The following LRRFIP1 variants were observed in gnomAD, a reference collection of about 807,000 sequenced individuals.
LRRFIP1 encodes the protein leucine-rich repeat flightless-interacting protein 1.
LRRFIP1 carries 62 observed loss-of-function variants against 104.4 expected under a neutral mutation model. That is an observed-to-expected ratio of 0.59 (90% CI 0.48 to 0.73). The LOEUF is 0.73. Ranked by LOEUF, LRRFIP1 falls within the 30% of genes least tolerant of loss-of-function variation. The pLI, the probability that LRRFIP1 is intolerant of heterozygous loss-of-function variation, is 0.00. For missense variants in LRRFIP1, 796 were observed against 824.5 expected, an observed-to-expected ratio of 0.97 and a Z score of 0.42; for synonymous variants, 300 against 299.0, an observed-to-expected ratio of 1.00 and a Z score of -0.03.
At chr2:237,704,867 A>G (rs2093725499) in intron 1 of LRRFIP1, among the ~76,000 whole-genome samples, 1 of 152,170 alleles carries the variant, frequency 6.6e-6, no homozygotes. Context: ...TGATTCATCC[A>G]TGGGGTTCCT....
At chr2:237,662,897 G>T (rs749003097) in intron 1 of LRRFIP1, among the ~76,000 whole-genome samples, 4 of 152,010 alleles carry the variant, frequency 2.6e-5, no homozygotes, top group Admixed American at 6.6e-5. Flanking sequence ...AGGCATTACC[G>T]CTCCTTTCCA....
chr2:237,740,402 A>G (rs1273538343), intron 11 of LRRFIP1, among the ~76,000 whole-genome samples: 1 of 152,138 alleles, frequency 6.6e-6, no homozygotes, highest in Non-Finnish European at 1.5e-5. Flanking sequence ...CAACAGAGTG[A>G]GACCCTGCCT....
intron 1 of LRRFIP1, among the ~76,000 whole-genome samples, chr2:237,633,462 C>T (rs2082675595): frequency 6.6e-6 from 1 of 152,096 alleles, no homozygotes; most frequent in Non-Finnish European, 1.5e-5. Flanking sequence ...TCCCTTCTTC[C>T]TTTTCTGGGT....
At chr2:237,697,248 C>G (rs59204781) in intron 1 of LRRFIP1, among the ~76,000 whole-genome samples, 35,207 of 152,092 alleles carry the variant, frequency 0.23, 4,209 homozygotes, top group East Asian at 0.31. Context: ...GTCTCAAACT[C>G]CTGACCTCAA....
chr2:237,777,428 A>G (rs2061181543), intron 23 of LRRFIP1, among the ~76,000 whole-genome samples: 1 of 152,024 alleles, frequency 6.6e-6, no homozygotes, highest in Admixed American at 6.5e-5. Context: ...TTTTGTTTGT[A>G]CATGTTTTCG....
At chr2:237,724,255 C>T (rs568024739) in intron 7 of LRRFIP1, among the ~76,000 whole-genome samples, 2 of 152,214 alleles carry the variant, frequency 1.3e-5, no homozygotes, top group South Asian at 2.1e-4. Flanking sequence ...TAAAGTGATT[C>T]GATACTGAAG....
chr2:237,708,554 G>A lies in LRRFIP1; in HGVS notation c.107G>A (p.Arg36Gln), dbSNP rs1259835196. The part of the protein sequence containing the change: ...LNQIAREAEA[R>Q]LAAKRAARAE... Reference sequence around the variant, plus strand: ...CCCTGTCCGTTTCAGGCGGAAGCCCGGCTCGCTGCAAAACGGGCGGCCCGC... The same window carrying A: ...CCCTGTCCGTTTCAGGCGGAAGCCCAGCTCGCTGCAAAACGGGCGGCCCGC... The change falls in exon 2 of 24, where the codon CGG becomes CAG. Residue 36 changes from arginine (R) to glutamine (Q), a missense_variant. Coordinates refer to ENST00000308482, the MANE Select transcript of LRRFIP1 (RefSeq NM_001137550.2). 6.3e-6 allele frequency: 10 copies of A among 1,577,642 alleles called. No homozygotes were observed. Among genetic ancestry groups the A allele is most frequent in the South Asian group, 3.5e-5 (3 of 84,978 alleles).
intron 18 of LRRFIP1, 128 bp downstream of exon 18, chr2:237,758,949 T>C: frequency 1.7e-6 from 1 of 597,496 alleles, no homozygotes; most frequent in East Asian, 2.9e-5. Flanking sequence ...CTGTTAATAA[T>C]TCATATATTG....
chr2:237,662,908 C>G (rs903374), intron 1 of LRRFIP1, among the ~76,000 whole-genome samples: 2 of 152,104 alleles, frequency 1.3e-5, no homozygotes, highest in African/African-American at 2.4e-5. Context: ...CTCCTTTCCA[C>G]GGCAATGACC....
At chr2:237,733,081 G>T (rs1319409362) in intron 8 of LRRFIP1, among the ~76,000 whole-genome samples, 1 of 152,192 alleles carries the variant, frequency 6.6e-6, no homozygotes, top group Non-Finnish European at 1.5e-5. Flanking sequence ...CGTGCACCTT[G>T]CCTGACTTGC....
intron 1 of LRRFIP1, among the ~76,000 whole-genome samples, chr2:237,628,915 A>C (rs2149219314): frequency 6.6e-6 from 1 of 152,364 alleles, no homozygotes; most frequent in Non-Finnish European, 1.5e-5. Context: ...TGATACAGAA[A>C]AGGGCTTTCC....
chr2:237,770,052 ATCCT>A (rs1440944427), intron 20 of LRRFIP1, 60 bp downstream of exon 20: 4 of 1,364,400 alleles, frequency 2.9e-6, no homozygotes, highest in Non-Finnish European at 4.1e-6. Context: ...CCACCTGCCC[ATCCT>A]TCCTTCTTGC....
At chr2:237,643,114 T>G (rs2084279959) in intron 1 of LRRFIP1, among the ~76,000 whole-genome samples, 1 of 152,254 alleles carries the variant, frequency 6.6e-6, no homozygotes, top group Non-Finnish European at 1.5e-5. Context: ...TTAAAATAAA[T>G]TCTTAAACAC....
At chr2:237,715,968 A>G (rs1471798685) in intron 3 of LRRFIP1, among the ~76,000 whole-genome samples, 1 of 152,232 alleles carries the variant, frequency 6.6e-6, no homozygotes, top group African/African-American at 2.4e-5. Flanking sequence ...ACGAGGTGAA[A>G]GATTTTCAGA....
chr2:237,739,752 T>C (rs2095358598), intron 11 of LRRFIP1, among the ~76,000 whole-genome samples: 1 of 152,168 alleles, frequency 6.6e-6, no homozygotes, highest in South Asian at 2.1e-4. Context: ...CCCTGCATCC[T>C]GCTTGTCACT....
chr2:237,709,914 A>G (rs2093990288), intron 2 of LRRFIP1, among the ~76,000 whole-genome samples: 1 of 151,568 alleles, frequency 6.6e-6, no homozygotes. Flanking sequence ...GTACAGTGAC[A>G]TGATCTCTAC....
At chr2:237,631,798 G>A (rs141003556) in intron 1 of LRRFIP1, among the ~76,000 whole-genome samples, 85 of 152,354 alleles carry the variant, frequency 5.6e-4, no homozygotes, top group African/African-American at 1.8e-3. Context: ...AGTCATTTGC[G>A]CAGGCTGCAT....
Position 237,692,455 on chromosome 2 carries a change from G to C in LRRFIP1, c.97-16089G>C, listed in dbSNP as rs1029856260. On this transcript the variant is annotated intron_variant, in intron 1 of 23. Coordinates refer to ENST00000308482, the MANE Select transcript of LRRFIP1 (RefSeq NM_001137550.2). ...GGGTGGAGCGGGCCGAGCCCGGCAG[G>C]ATGACCAGCCCCGCGGCCGCTCAAA... 2.0e-6 allele frequency: 3 copies of C among 1,523,844 alleles called. No individual in the cohort carries two copies. The African/African-American group carries it at 4.3e-5, about 22-fold the overall frequency. 94.4% of individuals were successfully genotyped at this position (1,523,844 alleles called of 1,614,324 possible). A position where few individuals can be genotyped will look rare whatever the true frequency, so the allele number is the denominator to read the frequency against.
chr2:237,687,137 G>A (rs900470466), intron 1 of LRRFIP1, among the ~76,000 whole-genome samples: 1 of 152,244 alleles, frequency 6.6e-6, no homozygotes, highest in Non-Finnish European at 1.5e-5. Flanking sequence ...AGGAGACCTG[G>A]GTTGAAAACC....
Sources: gnomAD v4.1 joint callset for allele counts (sites outside exome capture counted in the v4.1 genomes callset) on GRCh38, gnomAD v4.1.1 for gene constraint, MANE v1.5 for transcripts, NCBI Gene and HGNC (gene_info 2026-07-23, HGNC 2026-07-21) for gene names.